Variants in AKAP19 observed in about 807,000 individuals in gnomAD.
AKAP19 encodes the protein A-kinase anchoring protein 19.
At chr2:189,905,256 A>G in the AKAP19 span, among the ~76,000 whole-genome samples, 2 of 151,976 alleles carry the variant, frequency 1.3e-5, no homozygotes, top group Non-Finnish European at 2.9e-5. Context: ...TTTAGTTGCA[A>G]ACATATAATG....
the AKAP19 span, chr2:190,079,856 G>GGT: frequency 0.041 from 5,648 of 139,434 alleles, 189 homozygotes; most frequent in East Asian, 0.16. Context: ...AAAAATGAGG[G>GGT]GTGTGTGTGT....
the AKAP19 span, among the ~76,000 whole-genome samples, chr2:190,102,423 C>T: frequency 1.3e-5 from 2 of 151,784 alleles, no homozygotes; most frequent in Non-Finnish European, 2.9e-5. Context: ...AAAGGATAAA[C>T]AAAATCAATA....
the AKAP19 span, among the ~76,000 whole-genome samples, chr2:190,151,600 C>T: frequency 6.6e-6 from 1 of 152,190 alleles, no homozygotes; most frequent in African/African-American, 2.4e-5. Context: ...TTTCTTTATC[C>T]AGTCTATCAT....
chr2:190,115,128 AGAGAGAGAAAGAGT>A, the AKAP19 span, among the ~76,000 whole-genome samples: 1 of 137,552 alleles, frequency 7.3e-6, no homozygotes, highest in African/African-American at 2.7e-5. Flanking sequence ...AGAGAGGGAG[AGAGAGAGAAAGAGT>A]GTGTGTGTGT....
At chr2:189,962,183 T>C in the AKAP19 span, among the ~76,000 whole-genome samples, 2 of 152,178 alleles carry the variant, frequency 1.3e-5, no homozygotes, top group Admixed American at 1.3e-4. Context: ...GATACATAAA[T>C]ACTTACCATT....
the AKAP19 span, among the ~76,000 whole-genome samples, chr2:189,932,638 C>T: frequency 4.7e-5 from 7 of 148,986 alleles, no homozygotes; most frequent in South Asian, 2.1e-4. Flanking sequence ...CTGGGGACGT[C>T]GAGGCTGCAG....
chr2:190,017,231 C>A, the AKAP19 span, among the ~76,000 whole-genome samples: 1 of 152,036 alleles, frequency 6.6e-6, no homozygotes, highest in African/African-American at 2.4e-5. Flanking sequence ...TTTATCCATT[C>A]AGCTACCATC....
chr2:189,982,219 C>G, the AKAP19 span, among the ~76,000 whole-genome samples: 1 of 147,894 alleles, frequency 6.8e-6, no homozygotes, highest in Admixed American at 6.6e-5. Flanking sequence ...AATTATTTTT[C>G]CTTTATTTTA....
At chr2:190,124,472 A>G in the AKAP19 span, among the ~76,000 whole-genome samples, 4 of 152,188 alleles carry the variant, frequency 2.6e-5, no homozygotes, top group Non-Finnish European at 5.9e-5. Context: ...GTACTGGAAA[A>G]CTACAGCATA....
the AKAP19 span, among the ~76,000 whole-genome samples, chr2:190,183,833 TTCTC>T: frequency 2.0e-5 from 3 of 151,802 alleles, no homozygotes; most frequent in African/African-American, 4.8e-5. Flanking sequence ...TGCACCTTAG[TTCTC>T]TCTTAGTGAG....
chr2:190,106,843 T>G, the AKAP19 span, among the ~76,000 whole-genome samples: 2 of 152,212 alleles, frequency 1.3e-5, no homozygotes, highest in Non-Finnish European at 2.9e-5. Flanking sequence ...GGGCAAACAA[T>G]TGTCCAGCAA....
chr2:190,003,124 A>G, the AKAP19 span, among the ~76,000 whole-genome samples: 1 of 152,128 alleles, frequency 6.6e-6, no homozygotes, highest in Non-Finnish European at 1.5e-5. Context: ...TTTCTGATAG[A>G]ACACTATTGA....
chr2:189,928,898 G>A, the AKAP19 span, among the ~76,000 whole-genome samples: 1 of 151,988 alleles, frequency 6.6e-6, no homozygotes, highest in Non-Finnish European at 1.5e-5. Flanking sequence ...TTTCTTTACT[G>A]TTATGTCACT....
the AKAP19 span, among the ~76,000 whole-genome samples, chr2:190,189,446 G>T: frequency 0.041 from 6,179 of 152,212 alleles, 412 homozygotes; most frequent in African/African-American, 0.14. Context: ...GGGAAGAGAT[G>T]ATAAACATAA....
chr2:190,128,689 C>T, the AKAP19 span, among the ~76,000 whole-genome samples: 3 of 152,312 alleles, frequency 2.0e-5, no homozygotes, highest in African/African-American at 7.2e-5. Context: ...GGTTTGTTTA[C>T]ATGCTTCTTT....
the AKAP19 span, among the ~76,000 whole-genome samples, chr2:189,899,219 G>A: frequency 6.6e-6 from 1 of 152,044 alleles, no homozygotes; most frequent in Non-Finnish European, 1.5e-5. Context: ...AACAAATTGA[G>A]CACCCTCTTC....
the AKAP19 span, among the ~76,000 whole-genome samples, chr2:189,944,691 C>T: frequency 6.6e-6 from 1 of 152,090 alleles, no homozygotes; most frequent in African/African-American, 2.4e-5. Context: ...AACAGATCAT[C>T]CAGATAGAAA....
the AKAP19 span, among the ~76,000 whole-genome samples, chr2:189,936,473 A>C: frequency 6.6e-6 from 1 of 152,182 alleles, no homozygotes; most frequent in South Asian, 2.1e-4. Context: ...AATTATAGCA[A>C]GTTCCCAAAT....
the AKAP19 span, among the ~76,000 whole-genome samples, chr2:189,974,158 C>T: frequency 6.6e-6 from 1 of 151,812 alleles, no homozygotes; most frequent in African/African-American, 2.4e-5. Context: ...TAAATGTGTC[C>T]CAGAGATTCT....
Sources: allele counts gnomAD v4.1 joint callset (sites outside exome capture counted in the v4.1 genomes callset), GRCh38; gene constraint gnomAD v4.1.1; transcripts MANE v1.5; gene names NCBI Gene and HGNC (gene_info 2026-07-23, HGNC 2026-07-21).